CCR3: variants seen among roughly 807,000 people sequenced by gnomAD.
CCR3 encodes the protein C-C chemokine receptor type 3.
For missense variants in CCR3, 419 were observed against 437.5 expected (o/e 0.96, Z 0.38); for synonymous variants, 203 against 179.2 (o/e 1.13, Z -1.06).
chr3:46,222,098 T>C (rs1699844184), intron 2 of CCR3, among the ~76,000 whole-genome samples: 1 of 152,142 alleles, frequency 6.6e-6, no homozygotes, highest in Non-Finnish European at 1.5e-5. Flanking sequence ...TCTAGGACAA[T>C]AAGGCGTGAC....
At chr3:46,257,094 A>T (rs1188949198) in intron 1 of CCR3, among the ~76,000 whole-genome samples, 1 of 152,204 alleles carries the variant, frequency 6.6e-6, no homozygotes, top group African/African-American at 2.4e-5. Flanking sequence ...ACTACTGAAA[A>T]TGATGCAAAG....
At chr3:46,230,621 G>A (rs1381808020) in intron 2 of CCR3, among the ~76,000 whole-genome samples, 2 of 152,044 alleles carry the variant, frequency 1.3e-5, no homozygotes, top group South Asian at 2.1e-4. Flanking sequence ...CATCTCCCAG[G>A]GTCACTGAAG....
chr3:46,213,008 A>C (rs1699735120), intron 2 of CCR3, among the ~76,000 whole-genome samples: 1 of 152,268 alleles, frequency 6.6e-6, no homozygotes, highest in South Asian at 2.1e-4. Flanking sequence ...AATAGCTCAA[A>C]AAAGAAAAAG....
chr3:46,238,429 C>T (rs1460896030), upstream of CCR3, among the ~76,000 whole-genome samples: 4 of 151,394 alleles, frequency 2.6e-5, no homozygotes, highest in Admixed American at 2.0e-4. Context: ...TTCTCAATGT[C>T]GAGTGCAGTG....
rs114022825 is a variant in CCR3, at chr3:46,246,220, C to G, written c.-12+3682C>G. 3.3e-3 allele frequency among the ~76,000 whole-genome samples: 499 copies of G among 152,294 alleles called. 5 individuals are homozygous for G. The highest frequency in any genetic ancestry group is 0.011 in the African/African-American group (470 of 41,562). On this transcript the variant is annotated intron_variant, in intron 1 of 1. Transcript: ENST00000395940. ...AGTTTATTAAGCATCTTTCATTTGT[C>G]AGGCATCATGCTGGACACTAGGCCT...
chr3:46,254,592 G>A (rs1700380531), intron 1 of CCR3, among the ~76,000 whole-genome samples: 1 of 152,090 alleles, frequency 6.6e-6, no homozygotes, highest in African/African-American at 2.4e-5. Flanking sequence ...CACCTGAGCA[G>A]TGTGTACACT....
At chr3:46,224,357 G>A (rs1699869966) in intron 2 of CCR3, among the ~76,000 whole-genome samples, 1 of 152,156 alleles carries the variant, frequency 6.6e-6, no homozygotes, top group Admixed American at 6.5e-5. Flanking sequence ...AGCACTTTGG[G>A]AGGCTGAGGC....
At chr3:46,260,677 A>C (rs1700508463) in intron 1 of CCR3, among the ~76,000 whole-genome samples, 1 of 152,238 alleles carries the variant, frequency 6.6e-6, no homozygotes. Context: ...GAAAAATCTT[A>C]GTTCCTGTAA....
intron 2 of CCR3, among the ~76,000 whole-genome samples, chr3:46,223,960 G>A (rs1379687245): frequency 1.3e-5 from 2 of 152,266 alleles, no homozygotes; most frequent in East Asian, 3.9e-4. Context: ...TGTGCCAGGA[G>A]CTGGGTAGAA....
intron 1 of CCR3, among the ~76,000 whole-genome samples, chr3:46,251,687 G>A (rs1359006318): frequency 3.9e-5 from 6 of 152,110 alleles, no homozygotes; most frequent in Admixed American, 2.0e-4. Flanking sequence ...GAGTGCAGGC[G>A]GGCTGAGTCC....
chr3:46,228,409 C>T (rs1483492650), intron 2 of CCR3, among the ~76,000 whole-genome samples: 1 of 152,116 alleles, frequency 6.6e-6, no homozygotes, highest in African/African-American at 2.4e-5. Flanking sequence ...AGTAACTTTC[C>T]CTATCTCTTA....
chr3:46,242,109 G>C (rs2125926826), upstream of CCR3, among the ~76,000 whole-genome samples: 1 of 150,980 alleles, frequency 6.6e-6, no homozygotes, highest in South Asian at 2.1e-4. Flanking sequence ...CTCCAGCCTG[G>C]GTGACAGAAT....
chr3:46,254,037 A>G (rs968396726), intron 1 of CCR3, among the ~76,000 whole-genome samples: 10 of 152,236 alleles, frequency 6.6e-5, no homozygotes, highest in African/African-American at 2.4e-4. Context: ...AAAAAGTCAC[A>G]GAAAACTTGA....
intron 1 of CCR3, among the ~76,000 whole-genome samples, chr3:46,247,205 A>G (rs1700214203): frequency 6.6e-6 from 1 of 152,100 alleles, no homozygotes; most frequent in Non-Finnish European, 1.5e-5. Context: ...AAAACAGTGT[A>G]AACTGGCAGT....
chr3:46,239,145 A>T (rs9873805), upstream of CCR3, among the ~76,000 whole-genome samples: 1,775 of 152,280 alleles, frequency 0.012, 35 homozygotes, highest in African/African-American at 0.039. Context: ...TTATTACAAG[A>T]ATCTGCCTTA....
In CCR3 at chr3:46,215,382, G is replaced by A. The variant is rs181278130; in HGVS notation, c.-68+4475G>A. ...GCTTGGTGGAAATGAAGGTTCTCAG[G>A]CCCCATTGAAGGTTAGACCCAGGAA... On this transcript the variant is annotated intron_variant, in intron 2 of 3. Transcript: ENST00000357422. 5.3e-5 allele frequency among the ~76,000 whole-genome samples: 8 copies of A among 152,256 alleles called. No homozygotes were observed. The East Asian group carries it at 1.5e-3, about 29-fold the overall frequency.
chr3:46,260,927 C>T (rs1005945868), intron 1 of CCR3, among the ~76,000 whole-genome samples: 1 of 152,178 alleles, frequency 6.6e-6, no homozygotes, highest in Admixed American at 6.5e-5. Context: ...ATTGAAAGCC[C>T]ATTTTAAAAT....
chr3:46,238,740 A>AG (rs1700047176), upstream of CCR3, among the ~76,000 whole-genome samples: 1 of 152,222 alleles, frequency 6.6e-6, no homozygotes, highest in African/African-American at 2.4e-5. Context: ...GGTGAGACAG[A>AG]GAAAAAAGTG....
At chr3:46,221,250 C>T (rs1699833677) in intron 2 of CCR3, among the ~76,000 whole-genome samples, 1 of 152,194 alleles carries the variant, frequency 6.6e-6, no homozygotes, top group Non-Finnish European at 1.5e-5. Flanking sequence ...ACCAGCACAC[C>T]ATTGCAGAGT....
Sources: gnomAD v4.1 joint callset for allele counts (sites outside exome capture counted in the v4.1 genomes callset) on GRCh38, gnomAD v4.1.1 for gene constraint, MANE v1.5 for transcripts, NCBI Gene and HGNC (gene_info 2026-07-23, HGNC 2026-07-21) for gene names.